PTPRN2: variants seen among roughly 807,000 people sequenced by gnomAD.
PTPRN2 encodes the protein protein tyrosine phosphatase receptor type N2.
In PTPRN2, 74 loss-of-function variants were observed where a neutral mutation model predicts 118.8. The ratio of observed to expected loss-of-function variants is 0.62; its 90% CI spans 0.52 to 0.76. The LOEUF is 0.76. Among genes scored for constraint, PTPRN2 ranks in the 30% least tolerant of loss-of-function variants. PTPRN2 has a pLI of 0.00. For missense variants in PTPRN2, 1,481 were observed against 1,394.4 expected (o/e 1.06, Z -0.99); for synonymous variants, 641 against 608.0 (o/e 1.05, Z -0.80).
Position 157,690,939 on chromosome 7 carries a change from T to C in PTPRN2, c.1789-8002A>G, listed in dbSNP as rs1298515958. ...CAGGGCGGGCTCCGGACGGTCCCGG[T>C]AGGGCCGCCGGCCGCGCGCGTAGCA... On this transcript the variant is annotated intron_variant, in intron 12 of 22. Transcript: ENST00000389418. The surrounding 1 kb of genome is among the most constrained non-coding windows in gnomAD (Gnocchi z 7.1). Among the ~76,000 whole-genome samples, 1 of 144,702 alleles carries C rather than the reference T, an allele frequency of 6.9e-6. No individual in the cohort carries two copies. The highest frequency in any genetic ancestry group is 1.5e-5 in the Non-Finnish European group (1 of 65,332). 94.9% of individuals were successfully genotyped at this position (144,702 alleles called of 152,430 possible).
Position 157,874,715 on chromosome 7 carries a change from GCACA to G in PTPRN2, c.1788+23954_1788+23957del, listed in dbSNP as rs1047826928. Among the ~76,000 whole-genome samples the G allele has an allele frequency of 1.4e-4, 21 of 151,706 alleles. No homozygotes were observed. The highest frequency in any genetic ancestry group is 4.6e-4 in the Admixed American group (7 of 15,164). ...GTAACCCAAGCAGACACACACTCAT[GCACA>G]CACACACAGAGACACACTCATGCAC... On this transcript the variant is annotated intron_variant, in intron 12 of 22. Transcript: ENST00000389418. The surrounding 1 kb of genome is among the most constrained non-coding windows in gnomAD (Gnocchi z 5.8).
intron 10 of PTPRN2, among the ~76,000 whole-genome samples, chr7:158,088,030 A>AC (rs1813636548): frequency 2.8e-5 from 3 of 106,792 alleles, no homozygotes; most frequent in African/African-American, 3.1e-5. Flanking sequence ...GTCTTCACAC[A>AC]AACCTTCTTC....
chr7:157,794,353 C>G lies in PTPRN2; in HGVS notation c.1788+104320G>C, dbSNP rs917793278. On this transcript the variant is annotated intron_variant, in intron 12 of 22. Coordinates refer to ENST00000389418, the MANE Select transcript of PTPRN2 (RefSeq NM_002847.5). This position sits in a 1 kb window ranked among gnomAD's most constrained non-coding sequence, Gnocchi z 5.2. Reference sequence around the variant, plus strand: ...CCCTGCTCCACCCAGGCTGCCTGCACTTCCGGTTCTGCGTCTGGCCGGCCT... The same window carrying G: ...CCCTGCTCCACCCAGGCTGCCTGCAGTTCCGGTTCTGCGTCTGGCCGGCCT... Among the ~76,000 whole-genome samples the G allele has an allele frequency of 6.6e-6, 1 of 151,878 alleles. No homozygotes were observed. Among genetic ancestry groups the G allele is most frequent in the Non-Finnish European group, 1.5e-5 (1 of 68,050 alleles).
chr7:158,131,149 C>CAAAA (rs56332004), intron 9 of PTPRN2, among the ~76,000 whole-genome samples: 1 of 150,800 alleles, frequency 6.6e-6, no homozygotes, highest in East Asian at 2.0e-4. Flanking sequence ...CATACACACA[C>CAAAA]AAATACCCGA....
At chr7:158,408,576 G>A (rs1228187281) in intron 2 of PTPRN2, among the ~76,000 whole-genome samples, 1 of 152,182 alleles carries the variant, frequency 6.6e-6, no homozygotes, top group African/African-American at 2.4e-5. Context: ...TTATTACTGT[G>A]TTGCAAAATC....
chr7:158,461,710 C>A (rs1219345307), intron 2 of PTPRN2, among the ~76,000 whole-genome samples: 2 of 152,222 alleles, frequency 1.3e-5, no homozygotes, highest in Non-Finnish European at 2.9e-5. Context: ...TGGAAAGAGC[C>A]TCTTGGCCAC....
intron 16 of PTPRN2, among the ~76,000 whole-genome samples, chr7:157,597,030 G>C (rs188036564): frequency 6.6e-6 from 1 of 152,260 alleles, no homozygotes; most frequent in Admixed American, 6.5e-5. Context: ...GTGAGTCCCC[G>C]TGCAGCCGTC....
intron 3 of PTPRN2, among the ~76,000 whole-genome samples, chr7:158,273,822 T>TGGGGGAGCCGCAGACACA (rs1216112770): frequency 1.4e-4 from 2 of 14,462 alleles, no homozygotes; most frequent in East Asian, 1.9e-3. Context: ...GCCGCAGGCA[T>TGGGGGAGCCGCAGACACA]GGGGGAGCCG....
At chr7:158,190,947 T>C (rs1825712513) in intron 5 of PTPRN2, among the ~76,000 whole-genome samples, 1 of 152,266 alleles carries the variant, frequency 6.6e-6, no homozygotes, top group Admixed American at 6.5e-5. Context: ...AGGCCGGGCC[T>C]TCCCCAGGCA....
chr7:157,644,744 G>A (rs1286896880), intron 14 of PTPRN2, among the ~76,000 whole-genome samples: 1 of 149,892 alleles, frequency 6.7e-6, no homozygotes, highest in East Asian at 2.0e-4. Flanking sequence ...GCAGTGAGCC[G>A]AGATCACACC....
In PTPRN2 at chr7:157,610,771, C is replaced by A. The variant is rs185514695; in HGVS notation, c.2345-6696G>T. Among the ~76,000 whole-genome samples the A allele has an allele frequency of 9.9e-5, 15 of 152,226 alleles. No homozygotes were observed. The highest frequency in any genetic ancestry group is 1.8e-4 in the Non-Finnish European group (12 of 68,036). On this transcript the variant is annotated intron_variant, in intron 15 of 22. Transcript: ENST00000389418. The surrounding 1 kb of genome is among the most constrained non-coding windows in gnomAD (Gnocchi z 5.1). Reference sequence around the variant, plus strand: ...CCAGCAACAGCGTGATGACAGAACGCATTCTGAAGGGGCAGGTCCTCTTCC... The same window carrying A: ...CCAGCAACAGCGTGATGACAGAACGAATTCTGAAGGGGCAGGTCCTCTTCC...
intron 1 of PTPRN2, among the ~76,000 whole-genome samples, chr7:158,528,281 C>T (rs922622522): frequency 3.9e-5 from 6 of 152,152 alleles, no homozygotes; most frequent in African/African-American, 1.4e-4. Flanking sequence ...CGGGGGCACC[C>T]GCCTGGGCAG....
intron 3 of PTPRN2, among the ~76,000 whole-genome samples, chr7:158,283,257 T>C (rs571388419): frequency 1.3e-5 from 2 of 152,172 alleles, no homozygotes; most frequent in African/African-American, 4.8e-5. Flanking sequence ...GTAAACAAAC[T>C]CCTATGTGGG....
intron 2 of PTPRN2, among the ~76,000 whole-genome samples, chr7:158,374,466 G>C (rs978063596): frequency 6.6e-6 from 1 of 152,036 alleles, no homozygotes; most frequent in Non-Finnish European, 1.5e-5. Context: ...TCCACTCCTG[G>C]ACACTAGCCC....
chr7:157,694,467 T>G (rs1731853466), intron 12 of PTPRN2, among the ~76,000 whole-genome samples: 1 of 152,178 alleles, frequency 6.6e-6, no homozygotes, highest in Admixed American at 6.5e-5. Flanking sequence ...GCTGCAGAAC[T>G]GGCCTCGCCA....
At chr7:158,114,731 C>T (rs2150378301) in intron 9 of PTPRN2, among the ~76,000 whole-genome samples, 1 of 152,306 alleles carries the variant, frequency 6.6e-6, no homozygotes, top group South Asian at 2.1e-4. Flanking sequence ...TACATGGGAG[C>T]CTGGTCCAGG....
intron 3 of PTPRN2, among the ~76,000 whole-genome samples, chr7:158,282,814 T>C (rs1351296649): frequency 7.0e-6 from 1 of 143,718 alleles, no homozygotes; most frequent in African/African-American, 2.7e-5. Context: ...CTCCTCGTGC[T>C]CCCACACACA....
intron 2 of PTPRN2, among the ~76,000 whole-genome samples, chr7:158,388,738 C>A (rs982668539): frequency 2.6e-5 from 4 of 152,156 alleles, no homozygotes; most frequent in African/African-American, 4.8e-5. Context: ...GGTGCCTTGG[C>A]CTTTCTGGCC....
At chr7:157,772,093 A>C (rs1802874704) in intron 12 of PTPRN2, among the ~76,000 whole-genome samples, 1 of 151,742 alleles carries the variant, frequency 6.6e-6, no homozygotes, top group Non-Finnish European at 1.5e-5. Flanking sequence ...AGACACAAAC[A>C]CACACATGGA....
Sources: gnomAD v4.1 joint callset for allele counts (sites outside exome capture counted in the v4.1 genomes callset) on GRCh38, gnomAD v4.1.1 for gene constraint, Gnocchi (gnomAD v3.1) non-coding constraint, MANE v1.5 for transcripts, NCBI Gene and HGNC (gene_info 2026-07-23, HGNC 2026-07-21) for gene names.